EMILIN2: variants seen among roughly 807,000 people sequenced by gnomAD.
The protein encoded by EMILIN2 is elastin microfibril interfacer 2.
In EMILIN2, 71 loss-of-function variants were observed where a neutral mutation model predicts 87.1. The ratio of observed to expected loss-of-function variants is 0.82; its 90% CI spans 0.67 to 0.99. EMILIN2 has a LOEUF of 0.99. Among genes scored for constraint, EMILIN2 ranks in the 50% least tolerant of loss-of-function variants. The pLI is 0.00. For synonymous variants in EMILIN2, 581 were observed against 563.4 expected, an observed-to-expected ratio of 1.03 and a Z score of -0.44; for missense variants, 1,407 against 1,371.8, an observed-to-expected ratio of 1.03 and a Z score of -0.40.
intron 2 of EMILIN2, among the ~76,000 whole-genome samples, chr18:2,868,146 C>T (rs1404136231): frequency 6.6e-6 from 1 of 151,888 alleles, no homozygotes; most frequent in African/African-American, 2.4e-5. Context: ...GGCAGAGGGT[C>T]TCCTCACTTC....
intron 2 of EMILIN2, among the ~76,000 whole-genome samples, chr18:2,867,898 AG>A (rs1226853998): frequency 6.6e-6 from 1 of 152,026 alleles, no homozygotes; most frequent in Non-Finnish European, 1.5e-5. Flanking sequence ...GGCCGGGCAG[AG>A]GGGCTCCTCA....
intron 2 of EMILIN2, among the ~76,000 whole-genome samples, chr18:2,868,137 G>GC (rs1308951554): frequency 6.6e-6 from 1 of 152,102 alleles, no homozygotes; most frequent in Non-Finnish European, 1.5e-5. Context: ...CGGTTGCCAG[G>GC]CAGAGGGTCT....
In EMILIN2 at chr18:2,876,772, T is replaced by A. The variant is rs192412749; in HGVS notation, c.258-8192T>A. Among the ~76,000 whole-genome samples, 500 of 152,240 alleles carry A rather than the reference T, an allele frequency of 3.3e-3. 3 individuals carry two copies. Among genetic ancestry groups the A allele is most frequent in the Middle Eastern group, 0.014 (4 of 294 alleles). ...CAGAGTGAGACTCTGTCTCAAAAAATATATAGATATATGTACAAAGCTACA... is the reference window on the plus strand; with the variant it reads ...CAGAGTGAGACTCTGTCTCAAAAAAAATATAGATATATGTACAAAGCTACA... On this transcript the variant is annotated intron_variant, in intron 2 of 7. Coordinates refer to ENST00000254528, the MANE Select transcript of EMILIN2 (RefSeq NM_032048.3).
chr18:2,849,737 T>G (rs923827235), intron 2 of EMILIN2, among the ~76,000 whole-genome samples: 2 of 152,242 alleles, frequency 1.3e-5, no homozygotes, highest in Non-Finnish European at 2.9e-5. Flanking sequence ...TTTTTACATT[T>G]TAAGTACTGC....
intron 2 of EMILIN2, among the ~76,000 whole-genome samples, chr18:2,858,583 G>GTGTGTGTGTGTGTGTGTGTA (rs1180735843): frequency 6.3e-5 from 4 of 63,038 alleles, no homozygotes; most frequent in African/African-American, 2.8e-4. Context: ...GTGTGTGTGT[G>GTGTGTGTGTGTGTGTGTGTA]TATATATATA....
In EMILIN2 at chr18:2,913,637, ACTGGAAG is replaced by A; in HGVS notation, c.*234_*240del. 1 of 479,082 alleles carries A rather than the reference ACTGGAAG, an allele frequency of 2.1e-6. No homozygotes were observed. The highest frequency in any genetic ancestry group is 3.7e-6 in the Non-Finnish European group (1 of 269,846). The allele number at this position is 479,082 out of a possible 1,614,324, so 29.7% of individuals were successfully genotyped here. On this transcript the variant is annotated 3_prime_UTR_variant, in exon 8 of 8. Coordinates refer to ENST00000254528, the MANE Select transcript of EMILIN2 (RefSeq NM_032048.3). ...ACTTTTCTGCCACTCTAACTGGACA[ACTGGAAG>A]ACTTGGAAAGGCCTCCACCTGTATC...
At chr18:2,850,186 C>T (rs1330485337) in intron 2 of EMILIN2, among the ~76,000 whole-genome samples, 2 of 151,486 alleles carry the variant, frequency 1.3e-5, no homozygotes, top group Admixed American at 6.6e-5. Flanking sequence ...GCAATCCGCC[C>T]GCCTCAGCCT....
intron 2 of EMILIN2, among the ~76,000 whole-genome samples, chr18:2,865,191 T>A (rs941841735): frequency 6.6e-6 from 1 of 151,872 alleles, no homozygotes; most frequent in Non-Finnish European, 1.5e-5. Context: ...AGTAGTTTGA[T>A]CTTCTGAAGC....
Position 2,896,107 on chromosome 18 carries a change from T to C in EMILIN2, c.2359+3621T>C, listed in dbSNP as rs186002089. 5.3e-5 allele frequency among the ~76,000 whole-genome samples: 8 copies of C among 152,300 alleles called. No homozygotes were observed. The East Asian group carries it at 1.5e-3, about 29-fold the overall frequency. ...CTTAAATAGATCTAAGTCTCTTTTA[T>C]ATCCTTCTGTTAAGGGCATATATAT... On this transcript the variant is annotated intron_variant, in intron 4 of 7. Coordinates refer to ENST00000254528, the MANE Select transcript of EMILIN2 (RefSeq NM_032048.3).
At chr18:2,912,956 C>A in intron 7 of EMILIN2, 111 bp from the exon 8 acceptor site, 3 of 1,131,338 alleles carry the variant, frequency 2.7e-6, no homozygotes, top group Admixed American at 2.3e-5. Context: ...CATGGGAAGA[C>A]AGAGATGGCT....
At chr18:2,868,758 T>C (rs1028565792) in intron 2 of EMILIN2, among the ~76,000 whole-genome samples, 21 of 152,176 alleles carry the variant, frequency 1.4e-4, no homozygotes, top group Non-Finnish European at 2.6e-4. Flanking sequence ...ACAGTCCAGC[T>C]TCGGCTCGGC....
intron 2 of EMILIN2, among the ~76,000 whole-genome samples, chr18:2,851,148 G>C (rs1020207907): frequency 6.6e-6 from 1 of 151,590 alleles, no homozygotes; most frequent in Non-Finnish European, 1.5e-5. Context: ...TACTTAGAGA[G>C]AGATCGGGGC....
In EMILIN2 at chr18:2,857,232, T is replaced by A. The variant is rs146329227; in HGVS notation, c.257+9301T>A. Among the ~76,000 whole-genome samples, 9 of 152,210 alleles carry A rather than the reference T, an allele frequency of 5.9e-5. No homozygotes were observed. The East Asian group carries it at 1.7e-3, about 29-fold the overall frequency. Reference sequence around the variant, plus strand: ...AACTGTGTAGGTGAAGTTTTTTAAGTGGATCATTTCAATGGAAGAATTTGC... The same window carrying A: ...AACTGTGTAGGTGAAGTTTTTTAAGAGGATCATTTCAATGGAAGAATTTGC... On this transcript the variant is annotated intron_variant, in intron 2 of 7. Coordinates refer to ENST00000254528, the MANE Select transcript of EMILIN2 (RefSeq NM_032048.3).
At chr18:2,873,194 T>C (rs1452193934) in intron 2 of EMILIN2, among the ~76,000 whole-genome samples, 1 of 148,490 alleles carries the variant, frequency 6.7e-6, no homozygotes, top group Non-Finnish European at 1.5e-5. Flanking sequence ...GTGGATCACC[T>C]GAGGTCAGGA....
intron 4 of EMILIN2, among the ~76,000 whole-genome samples, chr18:2,905,663 G>GT (rs1173910115): frequency 9.9e-5 from 15 of 151,860 alleles, no homozygotes; most frequent in African/African-American, 3.6e-4. Flanking sequence ...GAGTGCAGCG[G>GT]GCGATCTCGG....
At chr18:2,846,992 G>A, upstream of EMILIN2, 1 of 1,022,704 alleles carries the variant, frequency 9.8e-7, no homozygotes, top group Non-Finnish European at 1.2e-6. This position sits in a 1 kb window ranked among gnomAD's most constrained non-coding sequence, Gnocchi z 5.3. Flanking sequence ...GAAGCGCAGG[G>A]CGCACGGGGC....
chr18:2,911,847 G>A (rs1020846295), intron 7 of EMILIN2, among the ~76,000 whole-genome samples: 1 of 152,114 alleles, frequency 6.6e-6, no homozygotes, highest in Non-Finnish European at 1.5e-5. Flanking sequence ...CACCACAGGC[G>A]ACTCTGAACA....
rs2076917520 is a variant in EMILIN2 at position 2,907,035 on chromosome 18, A to T, written c.2612A>T (p.Gln871Leu). The part of the protein sequence containing the change: ...GRGLPRGVDG[Q>L]TGSGTVPGAE... ...GGTCTGCCGCGGGGCGTGGACGGCC[A>T]GACCGGGAGCGGCACCGTCCCCGGC... Residue 871 changes from glutamine (Q) to leucine (L), a missense_variant, in exon 5 of 8, where the codon CAG becomes CTG. By Grantham distance (113) the Gln-to-Leu change is moderately radical. Transcript: ENST00000254528. The T allele has an allele frequency of 7.7e-7, 1 of 1,296,330 alleles. No individual in the cohort carries two copies. Among genetic ancestry groups the T allele is most frequent in the African/African-American group, 1.5e-5 (1 of 64,978 alleles). 80.3% of individuals were successfully genotyped at this position (1,296,330 alleles called of 1,614,324 possible). A position where few individuals can be genotyped will look rare whatever the true frequency, so the allele number is the denominator to read the frequency against.
intron 4 of EMILIN2, among the ~76,000 whole-genome samples, chr18:2,899,611 TCTC>T (rs2076879603): frequency 6.6e-6 from 1 of 151,986 alleles, no homozygotes; most frequent in Non-Finnish European, 1.5e-5. Flanking sequence ...TTCAAGCAAT[TCTC>T]CTGCCTCAGC....
Sources: allele counts gnomAD v4.1 joint callset (sites outside exome capture counted in the v4.1 genomes callset), GRCh38; gene constraint gnomAD v4.1.1; non-coding constraint Gnocchi (gnomAD v3.1); transcripts MANE v1.5; gene names NCBI Gene and HGNC (gene_info 2026-07-23, HGNC 2026-07-21).